Variants in TPP2 observed in about 807,000 individuals in gnomAD.
TPP2 encodes the protein tripeptidyl-peptidase 2.
Under a neutral mutation model 155.9 loss-of-function variants are expected in TPP2, and 34 were observed. The observed-to-expected ratio is 0.22, with a 90% CI of 0.17 to 0.29. The LOEUF (loss-of-function observed/expected upper bound fraction) is 0.29. Among genes scored for constraint, TPP2 ranks in the 10% least tolerant of loss-of-function variants. The probability of loss-of-function intolerance (pLI) is 1.00; values close to 1 mark genes in which losing one functional copy is unlikely to be tolerated. For synonymous variants in TPP2, 510 were observed against 529.4 expected, an observed-to-expected ratio of 0.96 and a Z score of 0.50; for missense variants, 1,028 against 1,522.3, an observed-to-expected ratio of 0.68 and a Z score of 5.40.
intron 3 of TPP2, among the ~76,000 whole-genome samples, 178 bp downstream of exon 3, chr13:102,614,374 G>A (rs1363354175): frequency 3.3e-5 from 5 of 152,156 alleles, no homozygotes; most frequent in Admixed American, 6.5e-5. Context: ...AATGTCATCC[G>A]TGTAAACTTG....
intron 3 of TPP2, among the ~76,000 whole-genome samples, chr13:102,615,275 A>G (rs962232629): frequency 6.6e-6 from 1 of 152,160 alleles, no homozygotes; most frequent in South Asian, 2.1e-4. Context: ...CAATCCTCCC[A>G]TGTAGTTGGG....
chr13:102,668,471 AATAAC>A (rs1884750947), intron 27 of TPP2, among the ~76,000 whole-genome samples: 1 of 152,204 alleles, frequency 6.6e-6, no homozygotes, highest in Admixed American at 6.5e-5. Context: ...AGAATTAGTA[AATAAC>A]ATAAGACAAA....
chr13:102,670,822 G>A (rs140391671), intron 27 of TPP2, among the ~76,000 whole-genome samples: 8 of 152,252 alleles, frequency 5.3e-5, no homozygotes, highest in African/African-American at 7.2e-5. Context: ...CTTACTGACC[G>A]GTAAGTTAGA....
At position 102,664,828 on chromosome 13, in the gene TPP2, G is replaced by A. The variant is rs1473990582; in HGVS notation, c.3274G>A (p.Ala1092Thr). 3.7e-6 allele frequency: 6 copies of A among 1,613,324 alleles called. No homozygotes were observed. Among genetic ancestry groups the A allele is most frequent in the Non-Finnish European group, 5.1e-6 (6 of 1,179,708 alleles). The change falls in exon 27 of 30, where the codon GCG becomes ACG. Residue 1092 changes from alanine (A) to threonine (T), a missense_variant. By Grantham distance (58) the Ala-to-Thr change is moderately conservative (BLOSUM62 0). Around this residue, in one of 7 missense-constraint regions of TPP2, gnomAD observed 179 missense variants for 274.7 expected, o/e 0.65. Coordinates refer to ENST00000376052, the MANE Select transcript of TPP2 (RefSeq NM_001330588.2). ...GAAAAGACTTAATGAAATTGTTGAT[G>A]CGGCAAATGCTGTTATTTCTCATAT... is the stretch of plus-strand genomic sequence containing the variant. ...RMKRLNEIVD[A>T]ANAVISHIDQ...
At chr13:102,636,955 T>G (rs928701384) in intron 13 of TPP2, 127 bp from the exon 14 acceptor site, 33 of 831,230 alleles carry the variant, frequency 4.0e-5, no homozygotes, top group Non-Finnish European at 6.0e-5. Flanking sequence ...TTATTTAAGC[T>G]GTGTTTTGGA....
intron 19 of TPP2, 63 bp downstream of exon 19, chr13:102,645,072 C>T: frequency 1.4e-6 from 2 of 1,443,836 alleles, no homozygotes; most frequent in Non-Finnish European, 1.9e-6. Context: ...CTCTTACACT[C>T]TTAAAAAAGG....
intron 8 of TPP2, among the ~76,000 whole-genome samples, chr13:102,628,815 CTG>C (rs2139482907): frequency 6.6e-6 from 1 of 152,202 alleles, no homozygotes; most frequent in Non-Finnish European, 1.5e-5. Context: ...TTTTACTTAA[CTG>C]TATTTCTTTC....
intron 29 of TPP2, 108 bp downstream of exon 29, chr13:102,676,523 G>A: frequency 7.6e-7 from 1 of 1,323,098 alleles, no homozygotes; most frequent in Non-Finnish European, 1.0e-6. Context: ...GTTTTATTGT[G>A]ACCAGTTATT....
rs149514561 is a variant in TPP2, at chr13:102,635,094, C to G, written c.1394-493C>G. On this transcript the variant is annotated intron_variant, in intron 11 of 29. Coordinates refer to ENST00000376052, the MANE Select transcript of TPP2 (RefSeq NM_001330588.2). ...CAGTAATTCCCAACCTGGCTGTACC[C>G]TAGAATCATCTGAGAGTTGTTTAAT... is the stretch of plus-strand genomic sequence containing the variant. Among the ~76,000 whole-genome samples, 429 of 152,278 alleles carry G rather than the reference C, an allele frequency of 2.8e-3. 1 individual carries two copies. The highest frequency in any genetic ancestry group is 5.1e-3 in the Non-Finnish European group (345 of 68,010).
At chr13:102,599,997 A>C (rs1297274312) in intron 1 of TPP2, among the ~76,000 whole-genome samples, 5 of 151,922 alleles carry the variant, frequency 3.3e-5, no homozygotes, top group Admixed American at 2.0e-4. Flanking sequence ...AAAAAAAAAA[A>C]AAAACCTTGT....
At chr13:102,640,245 TTTAA>T in intron 15 of TPP2, 21 bp from the exon 16 acceptor site, 1 of 1,479,700 alleles carries the variant, frequency 6.8e-7, no homozygotes, top group Non-Finnish European at 9.3e-7. Context: ...AATATATACA[TTTAA>T]TTACTTTTAT....
intron 27 of TPP2, among the ~76,000 whole-genome samples, chr13:102,672,192 C>T (rs1471612381): frequency 5.3e-5 from 8 of 152,132 alleles, no homozygotes; most frequent in Non-Finnish European, 7.4e-5. Flanking sequence ...TAGGGACTGC[C>T]GGCACTAGGG....
rs533692596 is a variant in TPP2 at position 102,672,396 on chromosome 13, A to G, written c.3372-1887A>G. Among the ~76,000 whole-genome samples the G allele has an allele frequency of 4.6e-5, 7 of 152,294 alleles. No individual in the cohort carries two copies. In the South Asian group the frequency reaches 1.2e-3, roughly 27 times the overall value. ...CAGGAGGAAACCAATTTATCTAGAT[A>G]AGTTTCTTTACATTCCATTGTTATC... On this transcript the variant is annotated intron_variant, in intron 27 of 29. Coordinates refer to ENST00000376052, the MANE Select transcript of TPP2 (RefSeq NM_001330588.2).
chr13:102,626,356 A>G (rs1266291814), intron 6 of TPP2, among the ~76,000 whole-genome samples: 2 of 152,190 alleles, frequency 1.3e-5, no homozygotes, highest in African/African-American at 4.8e-5. Flanking sequence ...TTATTGCTGT[A>G]TAATTGTCAG....
chr13:102,618,918 T>C, intron 5 of TPP2, 72 bp downstream of exon 5: 1 of 1,531,316 alleles, frequency 6.5e-7, no homozygotes, highest in Non-Finnish European at 8.7e-7. Context: ...CATTAAATGC[T>C]CAGAGCTGCA....
intron 1 of TPP2, among the ~76,000 whole-genome samples, chr13:102,598,002 C>G (rs1339918918): frequency 1.3e-5 from 2 of 151,726 alleles, no homozygotes; most frequent in East Asian, 1.9e-4. Flanking sequence ...AACCTGAAAA[C>G]ATACGACGGT....
At chr13:102,610,315 G>A (rs753543295) in intron 2 of TPP2, among the ~76,000 whole-genome samples, 3 of 151,870 alleles carry the variant, frequency 2.0e-5, no homozygotes, top group Non-Finnish European at 4.4e-5. Flanking sequence ...TGCAACCTCC[G>A]TCTCCTGGGT....
chr13:102,603,824 T>C (rs1449772223), intron 1 of TPP2, among the ~76,000 whole-genome samples: 1 of 152,202 alleles, frequency 6.6e-6, no homozygotes, highest in African/African-American at 2.4e-5. Flanking sequence ...TTAGGGTCAC[T>C]CAGCCTGTAT....
intron 25 of TPP2, among the ~76,000 whole-genome samples, chr13:102,660,759 T>TA (rs1257793806): frequency 6.6e-6 from 1 of 152,206 alleles, no homozygotes; most frequent in Non-Finnish European, 1.5e-5. Flanking sequence ...AAGACAGTGT[T>TA]ATACTGGCAC....
Sources: allele counts gnomAD v4.1 joint callset (sites outside exome capture counted in the v4.1 genomes callset), GRCh38; gene constraint gnomAD v4.1.1; regional missense constraint gnomAD v4.1.1; transcripts MANE v1.5; gene names NCBI Gene and HGNC (gene_info 2026-07-23, HGNC 2026-07-21).